The following CDCA7L variants were observed in gnomAD, a reference collection of about 807,000 sequenced individuals.
CDCA7L encodes cell division cycle-associated 7-like protein.
CDCA7L carries 44 observed loss-of-function variants against 57.4 expected under a neutral mutation model. The ratio of observed to expected loss-of-function variants is 0.77; its 90% confidence interval spans 0.60 to 0.98. The LOEUF (loss-of-function observed/expected upper bound fraction) is 0.98, where lower values mean the gene tolerates loss of function less well. CDCA7L is among the 50% of genes least tolerant of loss of function. The probability of loss-of-function intolerance (pLI) is 0.00; values close to 1 mark genes in which losing one functional copy is unlikely to be tolerated. For missense variants in CDCA7L, 644 were observed against 580.6 expected (o/e 1.11, Z -1.12); for synonymous variants, 236 against 202.8 (o/e 1.16, Z -1.39).
chr7:21,945,616 C>T (rs970824621), intron 1 of CDCA7L, among the ~76,000 whole-genome samples, 165 bp downstream of exon 1: 5 of 152,196 alleles, frequency 3.3e-5, no homozygotes, highest in African/African-American at 1.2e-4. Context: ...CCACTGCGCA[C>T]ACCTGCAGGG....
chr7:21,901,128 C>G lies in CDCA7L; in HGVS notation c.*1194G>C, dbSNP rs187353983. 1.2e-6 allele frequency: 2 copies of G among 1,613,836 alleles called. No homozygotes were observed. Among genetic ancestry groups the G allele is most frequent in the African/African-American group, 1.3e-5 (1 of 74,910 alleles). ...TGGACAGACAAGAAACCAAACAGAC[C>G]TACGAGTGCCCTGTGTATAGAACCA... is the stretch of plus-strand genomic sequence containing the variant. On this transcript the variant is annotated 3_prime_UTR_variant, in exon 10 of 10. Transcript: ENST00000406877.
intron 4 of CDCA7L, 41 bp downstream of exon 4, chr7:21,908,089 G>C (rs1187662535): frequency 4.7e-6 from 7 of 1,492,050 alleles, no homozygotes; most frequent in African/African-American, 4.2e-5. Context: ...TGCTGCCAGA[G>C]CCTGGTGCCA....
intron 1 of CDCA7L, among the ~76,000 whole-genome samples, chr7:21,917,886 T>C (rs1438339658): frequency 2.6e-5 from 4 of 152,230 alleles, no homozygotes; most frequent in African/African-American, 9.6e-5. Context: ...GTACCGAAAA[T>C]AATTAACATT....
At chr7:21,936,434 T>C (rs1398992387) in intron 1 of CDCA7L, among the ~76,000 whole-genome samples, 2 of 152,218 alleles carry the variant, frequency 1.3e-5, no homozygotes, top group East Asian at 1.9e-4. Context: ...AAAATGCAGG[T>C]AAAACAAATT....
At chr7:21,911,531 G>T in intron 3 of CDCA7L, 86 bp downstream of exon 3, 1 of 1,447,568 alleles carries the variant, frequency 6.9e-7, no homozygotes, top group Non-Finnish European at 9.2e-7. Flanking sequence ...CTTTTCACTT[G>T]TGAAGTGACT....
intron 1 of CDCA7L, among the ~76,000 whole-genome samples, chr7:21,918,768 G>C (rs1177843999): frequency 6.6e-6 from 1 of 152,064 alleles, no homozygotes; most frequent in Non-Finnish European, 1.5e-5. Flanking sequence ...TTTTTTTAGT[G>C]ATGTTGCTGT....
At chr7:21,906,497 T>C in intron 5 of CDCA7L, 41 bp from the exon 6 acceptor site, 1 of 1,611,408 alleles carries the variant, frequency 6.2e-7, no homozygotes, top group Non-Finnish European at 8.5e-7. Flanking sequence ...GGGGACTCTC[T>C]CGAATAAAAG....
intron 1 of CDCA7L, among the ~76,000 whole-genome samples, chr7:21,928,018 G>C (rs2128066190): frequency 6.6e-6 from 1 of 152,330 alleles, no homozygotes; most frequent in East Asian, 1.9e-4. Context: ...CCTCCTGACT[G>C]GGAGACACTT....
intron 1 of CDCA7L, among the ~76,000 whole-genome samples, chr7:21,932,053 T>A (rs1425583456): frequency 3.9e-5 from 6 of 152,090 alleles, no homozygotes; most frequent in African/African-American, 1.4e-4. Context: ...TCATTTACAA[T>A]TGCTACAAAG....
In CDCA7L at chr7:21,902,253, G is replaced by GGCACC. The variant is rs1784923674; in HGVS notation, c.*64_*68dup. Reference sequence around the variant, plus strand: ...CACAACTGTAAAAAAATCTTTCTTAGGCACCAATGGTATGCATGTCTTGTT... The same window carrying GGCACC: ...CACAACTGTAAAAAAATCTTTCTTAGGCACCGCACCAATGGTATGCATGTCTTGTT... On this transcript the variant is annotated 3_prime_UTR_variant, in exon 10 of 10. Coordinates refer to ENST00000406877, the MANE Select transcript of CDCA7L (RefSeq NM_018719.5). 1.5e-6 allele frequency: 2 copies of GGCACC among 1,368,594 alleles called. No individual in the cohort carries two copies. The highest frequency in any genetic ancestry group is 4.6e-5 in the East Asian group (2 of 43,538). 84.8% of individuals were successfully genotyped at this position (1,368,594 alleles called of 1,614,324 possible).
At position 21,903,243 on chromosome 7, in the gene CDCA7L, C is replaced by T. The variant is rs541756869; in HGVS notation, c.1198-129G>A. The T allele has an allele frequency of 3.2e-3, 2,701 of 834,876 alleles. 8 individuals are homozygous for T. The highest frequency in any genetic ancestry group is 5.8e-3 in the East Asian group (212 of 36,482). The allele number at this position is 834,876 out of a possible 1,614,324, so 51.7% of individuals were successfully genotyped here. A position where few individuals can be genotyped will look rare whatever the true frequency, so the allele number is the denominator to read the frequency against. ...TAATCACATGGCATCTTTCAGTCTA[C>T]GTCCCAGGGGGCTCCTCACAAGGCA... On this transcript the variant is annotated intron_variant, in intron 8 of 9. Transcript: ENST00000406877.
At chr7:21,905,676 T>C in intron 6 of CDCA7L, 45 bp from the exon 7 acceptor site, 1 of 1,575,462 alleles carries the variant, frequency 6.3e-7, no homozygotes, top group Non-Finnish European at 8.6e-7. Flanking sequence ...GTTGAGCAGT[T>C]ATAAAAAAAT....
Position 21,902,165 on chromosome 7 carries a change from G to GTAAGCATATAAACAATC in CDCA7L, c.*140_*156dup. On this transcript the variant is annotated 3_prime_UTR_variant, in exon 10 of 10. Transcript: ENST00000406877. Reference sequence around the variant, plus strand: ...TCTGCTGTCTTCCTGAGAAATCTTTGTAAGCATATAAACAATCTTTAACAA... The same window carrying GTAAGCATATAAACAATC: ...TCTGCTGTCTTCCTGAGAAATCTTTGTAAGCATATAAACAATCTAAGCATATAAACAATCTTTAACAA... 1 of 717,220 alleles carries GTAAGCATATAAACAATC rather than the reference G, an allele frequency of 1.4e-6. No homozygotes were observed. Among genetic ancestry groups the GTAAGCATATAAACAATC allele is most frequent in the Non-Finnish European group, 2.4e-6 (1 of 413,422 alleles). The allele number at this position is 717,220 out of a possible 1,614,324, so 44.4% of individuals were successfully genotyped here.
At chr7:21,938,685 T>C (rs1786248720) in intron 1 of CDCA7L, among the ~76,000 whole-genome samples, 1 of 152,170 alleles carries the variant, frequency 6.6e-6, no homozygotes, top group African/African-American at 2.4e-5. Context: ...AGATGGTATG[T>C]ACACATAAGA....
chr7:21,912,750 A>C (rs532862038), intron 2 of CDCA7L, among the ~76,000 whole-genome samples: 22 of 152,342 alleles, frequency 1.4e-4, no homozygotes, highest in African/African-American at 5.3e-4. Context: ...GGTCACCCCC[A>C]GGAATTTCTC....
At chr7:21,914,322 G>A (rs1208194435) in intron 2 of CDCA7L, among the ~76,000 whole-genome samples, 1 of 152,186 alleles carries the variant, frequency 6.6e-6, no homozygotes, top group Admixed American at 6.5e-5. Flanking sequence ...AGGGAAGCTA[G>A]AAAGCACCAT....
rs1358091441 is a variant in CDCA7L, at chr7:21,908,276, T to C, written c.535A>G (p.Ile179Val). The C allele has an allele frequency of 3.3e-5, 54 of 1,613,370 alleles. No individual in the cohort carries two copies. The highest frequency in any genetic ancestry group is 4.2e-5 in the Non-Finnish European group (50 of 1,179,864). The change falls in exon 4 of 10, where the codon ATT becomes GTT. Residue 179 changes from isoleucine (I) to valine (V), a missense_variant. Ile to Val is a conservative substitution (Grantham distance 29). Transcript: ENST00000406877. ...SARLQNEKKTILERKKDCRQV... is the reference protein window; with the variant it reads ...SARLQNEKKTVLERKKDCRQV... ...CTACAGTCTTTCTTTCTTTCAAGAA[T>C]TGTTTTTTTCTCATTCTGTAAGCGT...
chr7:21,928,885 C>A (rs138934356), intron 1 of CDCA7L, among the ~76,000 whole-genome samples: 2 of 152,048 alleles, frequency 1.3e-5, no homozygotes, highest in African/African-American at 4.8e-5. Flanking sequence ...ACACTCTGCA[C>A]GATATTATCC....
rs761198537 is a variant in CDCA7L, at chr7:21,908,209, T to A, written c.602A>T (p.Asp201Val). 2 of 1,611,398 alleles carry A rather than the reference T, an allele frequency of 1.2e-6. No individual in the cohort carries two copies. The highest frequency in any genetic ancestry group is 1.7e-6 in the Non-Finnish European group (2 of 1,179,448). ...CTCCTGGCTCTCATCCCGAGAGTCA[T>A]CCTCAGACTCAGAGGTAGAATCTTC... Reference protein sequence around the residue: ...QREDSTSESEDDSRDESQESS... With the variant: ...QREDSTSESEVDSRDESQESS... Residue 201 changes from aspartate (D) to valine (V), a missense_variant, in exon 4 of 10, where the codon GAT (aspartate) becomes GTT (valine). Physicochemically the swap from Asp to Val is radical, Grantham distance 152 (BLOSUM62 -3). Transcript: ENST00000406877.
Sources: allele counts gnomAD v4.1 joint callset (sites outside exome capture counted in the v4.1 genomes callset), GRCh38; gene constraint gnomAD v4.1.1; transcripts MANE v1.5; gene names NCBI Gene and HGNC (gene_info 2026-07-23, HGNC 2026-07-21).